Variants in RANBP2 observed in about 807,000 individuals in gnomAD.
The protein encoded by RANBP2 is RAN binding protein 2.
RANBP2 carries 57 observed loss-of-function variants against 303.6 expected under a neutral mutation model. The observed-to-expected ratio is 0.19, with a 90% CI of 0.15 to 0.23. The LOEUF (loss-of-function observed/expected upper bound fraction) is 0.23, where lower values mean the gene tolerates loss of function less well. RANBP2 is among the 10% of genes least tolerant of loss of function. The pLI, the probability that RANBP2 is intolerant of heterozygous loss-of-function variation, is 1.00. For synonymous variants in RANBP2, 1,167 were observed against 1,301.5 expected, an observed-to-expected ratio of 0.90 and a Z score of 2.23; for missense variants, 3,138 against 3,780.8, an observed-to-expected ratio of 0.83 and a Z score of 4.46.
the RANBP2 span, among the ~76,000 whole-genome samples, chr2:109,249,623 TTC>T: frequency 7.6e-3 from 1,121 of 148,150 alleles, 34 homozygotes; most frequent in African/African-American, 0.027. Flanking sequence ...TTCTCTTTCT[TTC>T]TCTCTCTCTT....
At chr2:109,353,433 C>T in the RANBP2 span, among the ~76,000 whole-genome samples, 3 of 152,224 alleles carry the variant, frequency 2.0e-5, no homozygotes, top group African/African-American at 7.2e-5. Context: ...ACCCTTTCTC[C>T]TGAGAGGTAG....
At chr2:109,219,064 T>A in the RANBP2 span, among the ~76,000 whole-genome samples, 3 of 152,218 alleles carry the variant, frequency 2.0e-5, no homozygotes, top group Admixed American at 6.5e-5. Context: ...TTAGCTGACC[T>A]TAATTTGGAT....
the RANBP2 span, chr2:109,501,815 G>T: frequency 1.7e-6 from 1 of 605,758 alleles, no homozygotes; most frequent in African/African-American, 1.8e-5. Flanking sequence ...CCAGGGTGGG[G>T]GCCAGGGACT....
intron 1 of RANBP2, among the ~76,000 whole-genome samples, chr2:108,724,743 T>A (rs1034983031): frequency 6.6e-6 from 1 of 152,028 alleles, no homozygotes; most frequent in East Asian, 1.9e-4. Flanking sequence ...CTTACCCTTA[T>A]GTTCCAGGGG....
At chr2:109,214,569 AG>A in the RANBP2 span, among the ~76,000 whole-genome samples, 1,917 of 152,264 alleles carry the variant, frequency 0.013, 50 homozygotes, top group African/African-American at 0.044. Context: ...ATGAAACAAA[AG>A]GGGGATGATT....
chr2:109,242,342 T>C, the RANBP2 span, among the ~76,000 whole-genome samples: 1 of 152,174 alleles, frequency 6.6e-6, no homozygotes, highest in Non-Finnish European at 1.5e-5. Flanking sequence ...CAGCTGAGTC[T>C]GCTGGCTGCT....
the RANBP2 span, among the ~76,000 whole-genome samples, chr2:109,076,442 A>G: frequency 1.6e-5 from 2 of 122,738 alleles, no homozygotes; most frequent in African/African-American, 5.8e-5. Context: ...AAGAAATAAA[A>G]AATATCCAAC....
chr2:109,485,626 G>A, the RANBP2 span, among the ~76,000 whole-genome samples: 11 of 152,146 alleles, frequency 7.2e-5, no homozygotes, highest in East Asian at 7.7e-4. Flanking sequence ...ATGAATAAAC[G>A]CCTTCAAAAT....
chr2:108,803,319 G>A, the RANBP2 span, among the ~76,000 whole-genome samples: 2 of 152,140 alleles, frequency 1.3e-5, no homozygotes, highest in Non-Finnish European at 2.9e-5. Flanking sequence ...TCTCTTCTGC[G>A]GGATTCTCCC....
the RANBP2 span, among the ~76,000 whole-genome samples, chr2:109,373,831 C>T: frequency 0.019 from 2,915 of 152,268 alleles, 93 homozygotes; most frequent in African/African-American, 0.061. Flanking sequence ...AGGCAGCTGA[C>T]AGTAGCGGAG....
the RANBP2 span, among the ~76,000 whole-genome samples, chr2:109,142,468 C>G: frequency 6.6e-6 from 1 of 152,232 alleles, no homozygotes; most frequent in South Asian, 2.1e-4. Context: ...CCCCAGCACC[C>G]ACACAGGCAC....
the RANBP2 span, among the ~76,000 whole-genome samples, chr2:109,407,830 C>T: frequency 6.6e-6 from 1 of 152,206 alleles, no homozygotes; most frequent in Non-Finnish European, 1.5e-5. Flanking sequence ...CATGACTTAC[C>T]AATCCTGGCC....
At chr2:109,240,005 T>C in the RANBP2 span, among the ~76,000 whole-genome samples, 1 of 152,196 alleles carries the variant, frequency 6.6e-6, no homozygotes, top group Admixed American at 6.5e-5. Context: ...TGCTGGCTCA[T>C]GATAGATGAG....
At chr2:108,844,129 G>A in the RANBP2 span, among the ~76,000 whole-genome samples, 4 of 151,832 alleles carry the variant, frequency 2.6e-5, no homozygotes, top group South Asian at 2.1e-4. Context: ...CCAAAGTGCC[G>A]GGAGTGCAAC....
chr2:108,890,411 T>C, the RANBP2 span, among the ~76,000 whole-genome samples: 3 of 151,992 alleles, frequency 2.0e-5, no homozygotes, highest in African/African-American at 7.2e-5. Context: ...GCCTGGCTAA[T>C]GTTTTGTGTT....
chr2:108,757,474 A>G (rs1478423866), intron 17 of RANBP2, among the ~76,000 whole-genome samples: 7 of 151,970 alleles, frequency 4.6e-5, no homozygotes, highest in East Asian at 1.9e-4. Flanking sequence ...CAGTGTAGAT[A>G]GTATAAAAAT....
At chr2:109,122,916 A>G in the RANBP2 span, among the ~76,000 whole-genome samples, 1 of 152,146 alleles carries the variant, frequency 6.6e-6, no homozygotes, top group Admixed American at 6.5e-5. Context: ...AAACCAAACA[A>G]TAAACAAGAT....
the RANBP2 span, among the ~76,000 whole-genome samples, chr2:109,673,728 G>A: frequency 9.9e-5 from 15 of 152,092 alleles, no homozygotes; most frequent in Admixed American, 9.8e-4. Context: ...GCTGGGCAAG[G>A]TGGTGGTTGG....
At chr2:108,826,213 G>A in the RANBP2 span, among the ~76,000 whole-genome samples, 1 of 152,104 alleles carries the variant, frequency 6.6e-6, no homozygotes, top group Non-Finnish European at 1.5e-5. Flanking sequence ...GTAGTTGTCT[G>A]TTGACTTTCT....
Sources: gnomAD v4.1 joint callset for allele counts (sites outside exome capture counted in the v4.1 genomes callset) on GRCh38, gnomAD v4.1.1 for gene constraint, MANE v1.5 for transcripts, NCBI Gene and HGNC (gene_info 2026-07-23, HGNC 2026-07-21) for gene names.